The following MAP4 variants were observed in gnomAD, a reference collection of about 807,000 sequenced individuals.
The protein encoded by MAP4 is microtubule associated protein 4.
MAP4 carries 76 observed loss-of-function variants against 170.2 expected under a neutral mutation model. That is an observed-to-expected ratio of 0.45 (90% confidence interval 0.37 to 0.54). The LOEUF is 0.54. MAP4 is among the 20% of genes least tolerant of loss of function. The pLI, the probability that MAP4 is intolerant of heterozygous loss-of-function variation, is 0.00. For missense variants in MAP4, 2,506 were observed against 2,748.0 expected, an observed-to-expected ratio of 0.91 and a Z score of 1.97; for synonymous variants, 909 against 994.5, an observed-to-expected ratio of 0.91 and a Z score of 1.62.
chr3:47,980,131 C>A (rs2100084633), intron 2 of MAP4, among the ~76,000 whole-genome samples: 1 of 152,084 alleles, frequency 6.6e-6, no homozygotes, highest in Non-Finnish European at 1.5e-5. Flanking sequence ...CTGCGCCTGG[C>A]CTTGTTTTGT....
At chr3:48,017,632 A>G (rs2100108448), upstream of MAP4, among the ~76,000 whole-genome samples, 1 of 151,940 alleles carries the variant, frequency 6.6e-6, no homozygotes, top group South Asian at 2.1e-4. Flanking sequence ...CTACCATCTT[A>G]CATTATCACT....
At chr3:47,877,375 A>C (rs2095656131) in intron 11 of MAP4, 42 bp downstream of exon 11, 1 of 1,463,448 alleles carries the variant, frequency 6.8e-7, no homozygotes, top group Non-Finnish European at 9.6e-7. Flanking sequence ...ACTCCGTTTA[A>C]AAATTATGGC....
At chr3:47,858,617 G>A (rs868314858) in intron 17 of MAP4, among the ~76,000 whole-genome samples, 12 of 133,362 alleles carry the variant, frequency 9.0e-5, no homozygotes, top group East Asian at 4.1e-4. Context: ...GTGTGTGTGC[G>A]CGTTGTGTGT....
rs968858067 is a variant in MAP4 at position 47,921,945 on chromosome 3, C to G, written c.416-67G>C. The G allele has an allele frequency of 5.2e-6, 4 of 772,802 alleles. No homozygotes were observed. In the African/African-American group the frequency reaches 7.1e-5, roughly 14 times the overall value. The allele number at this position is 772,802 out of a possible 1,614,324, so 47.9% of individuals were successfully genotyped here. Reference sequence around the variant, plus strand: ...CAACTAGAAAGATTAATATTTCTTTCTTTCTTTCTTTTTTTTTTTTGAGGT... The same window carrying G: ...CAACTAGAAAGATTAATATTTCTTTGTTTCTTTCTTTTTTTTTTTTGAGGT... On this transcript the variant is annotated intron_variant, in intron 4 of 20. Coordinates refer to ENST00000683076, the MANE Select transcript of MAP4 (RefSeq NM_001385682.1).
At chr3:47,945,661 C>G (rs547091743) in intron 3 of MAP4, among the ~76,000 whole-genome samples, 46 of 152,036 alleles carry the variant, frequency 3.0e-4, no homozygotes, top group African/African-American at 1.1e-3. Context: ...TTTTGCAACA[C>G]CTTTGTTCTA....
At chr3:47,904,261 T>G (rs2100031644) in intron 9 of MAP4, among the ~76,000 whole-genome samples, 1 of 152,218 alleles carries the variant, frequency 6.6e-6, no homozygotes, top group South Asian at 2.1e-4. Context: ...TCTATTTACC[T>G]ATTTCCAGAT....
chr3:48,068,958 T>C (rs1023598544), intron 1 of MAP4, among the ~76,000 whole-genome samples: 1 of 152,206 alleles, frequency 6.6e-6, no homozygotes, highest in African/African-American at 2.4e-5. Flanking sequence ...TCTATTTTAC[T>C]TTTTAAAAAA....
intron 1 of MAP4, among the ~76,000 whole-genome samples, chr3:48,087,410 G>C (rs550380007): frequency 7.2e-5 from 11 of 152,056 alleles, no homozygotes; most frequent in Non-Finnish European, 1.0e-4. Flanking sequence ...AAAAATAGCT[G>C]CTGGTGGTGC....
chr3:48,084,243 C>T (rs2100147981), intron 1 of MAP4, among the ~76,000 whole-genome samples: 1 of 149,312 alleles, frequency 6.7e-6, no homozygotes, highest in South Asian at 2.1e-4. Flanking sequence ...ACAAGAATCA[C>T]AAAAGTTAGC....
intron 10 of MAP4, chr3:47,891,550 G>A: frequency 6.5e-7 from 1 of 1,527,714 alleles, no homozygotes; most frequent in Non-Finnish European, 8.8e-7. Context: ...TATCTGCAAG[G>A]TTGACAGCTG....
intron 10 of MAP4, among the ~76,000 whole-genome samples, chr3:47,884,327 C>T (rs969354504): frequency 1.3e-5 from 2 of 152,068 alleles, no homozygotes; most frequent in African/African-American, 4.8e-5. Flanking sequence ...TGACAATTAA[C>T]ATTTGGTTCT....
At chr3:48,035,399 C>T (rs2100118335) in intron 1 of MAP4, among the ~76,000 whole-genome samples, 1 of 151,872 alleles carries the variant, frequency 6.6e-6, no homozygotes, top group Non-Finnish European at 1.5e-5. Flanking sequence ...TTTGGGAGGC[C>T]GATGAGGGAG....
At chr3:47,867,197 C>G in intron 17 of MAP4, 49 bp downstream of exon 17, 1 of 1,332,690 alleles carries the variant, frequency 7.5e-7, no homozygotes, top group Non-Finnish European at 1.1e-6. Context: ...CTAGTATACC[C>G]CACAGTGGGC....
intron 1 of MAP4, among the ~76,000 whole-genome samples, chr3:48,008,204 A>C (rs543851619): frequency 6.6e-6 from 1 of 152,324 alleles, no homozygotes; most frequent in South Asian, 2.1e-4. Context: ...GAAGTGGCTC[A>C]AATGCCCATG....
At chr3:47,905,982 G>A (rs957414794) in intron 9 of MAP4, among the ~76,000 whole-genome samples, 1 of 150,118 alleles carries the variant, frequency 6.7e-6, no homozygotes, top group Non-Finnish European at 1.5e-5. Context: ...CAACAAGAGT[G>A]AAACTCCATC....
chr3:48,060,780 A>T (rs1464162044), intron 1 of MAP4, among the ~76,000 whole-genome samples: 1 of 152,120 alleles, frequency 6.6e-6, no homozygotes, highest in Non-Finnish European at 1.5e-5. Context: ...ATACAAAAAA[A>T]ATGTAGCCAG....
At chr3:47,974,196 C>A (rs560642300) in intron 3 of MAP4, 3 of 804,096 alleles carry the variant, frequency 3.7e-6, no homozygotes, top group Non-Finnish European at 4.5e-6. Flanking sequence ...GTGGCCAAGG[C>A]GGGTGGATCA....
intron 1 of MAP4, among the ~76,000 whole-genome samples, chr3:48,052,130 T>C (rs1442865576): frequency 6.6e-6 from 1 of 152,142 alleles, no homozygotes; most frequent in Non-Finnish European, 1.5e-5. Flanking sequence ...CTACGCCAAC[T>C]GAGAGCCATA....
At chr3:47,934,186 G>A (rs1339558057) in intron 3 of MAP4, among the ~76,000 whole-genome samples, 2 of 152,158 alleles carry the variant, frequency 1.3e-5, no homozygotes, top group African/African-American at 4.8e-5. Context: ...AGGCAGCACT[G>A]AATCAACAGC....
Sources: allele counts gnomAD v4.1 joint callset (sites outside exome capture counted in the v4.1 genomes callset), GRCh38; gene constraint gnomAD v4.1.1; transcripts MANE v1.5; gene names NCBI Gene and HGNC (gene_info 2026-07-23, HGNC 2026-07-21).